Variants in GPC5 observed in about 807,000 individuals in gnomAD.
GPC5 encodes glypican 5.
In GPC5, 47 loss-of-function variants were observed where a neutral mutation model predicts 53.9. The observed-to-expected ratio is 0.87, with a 90% confidence interval of 0.69 to 1.11. The LOEUF is 1.11. GPC5 is among the 50% of genes most tolerant of loss of function. The probability of loss-of-function intolerance (pLI) is 0.00; values close to 1 mark genes in which losing one functional copy is unlikely to be tolerated. For synonymous variants in GPC5, 286 were observed against 263.3 expected (o/e 1.09, Z -0.84); for missense variants, 748 against 713.1 (o/e 1.05, Z -0.56).
intron 7 of GPC5, among the ~76,000 whole-genome samples, chr13:92,840,078 CATATAT>C (rs4001881): frequency 0.046 from 4,529 of 97,936 alleles, 115 homozygotes; most frequent in Middle Eastern, 0.1. Context: ...TATATACATA[CATATAT>C]ATATATATAT....
intron 2 of GPC5, among the ~76,000 whole-genome samples, chr13:91,517,292 G>T (rs980353442): frequency 1.3e-5 from 2 of 152,150 alleles, no homozygotes; most frequent in Admixed American, 1.3e-4. Flanking sequence ...CACATCTTCA[G>T]TGCTTTGCTG....
At chr13:91,616,183 C>T (rs2033690651) in intron 2 of GPC5, among the ~76,000 whole-genome samples, 1 of 152,024 alleles carries the variant, frequency 6.6e-6, no homozygotes, top group Admixed American at 6.6e-5. Flanking sequence ...CTATTTATGT[C>T]TGTTAATTGT....
At chr13:92,119,542 A>G (rs1594770714) in intron 6 of GPC5, among the ~76,000 whole-genome samples, 1 of 145,510 alleles carries the variant, frequency 6.9e-6, no homozygotes, top group African/African-American at 2.5e-5. Context: ...TGGGACTACA[A>G]GGCGCCCGCC....
intron 7 of GPC5, among the ~76,000 whole-genome samples, chr13:92,536,137 G>T (rs1295131794): frequency 1.3e-5 from 2 of 151,976 alleles, no homozygotes; most frequent in African/African-American, 4.8e-5. Flanking sequence ...AATGTGCATC[G>T]TCTCTAAGCC....
chr13:92,169,416 A>T (rs1193196723), intron 7 of GPC5, among the ~76,000 whole-genome samples: 3 of 152,236 alleles, frequency 2.0e-5, no homozygotes, highest in Non-Finnish European at 4.4e-5. Flanking sequence ...CCATGATACA[A>T]AAATGCATCA....
intron 5 of GPC5, among the ~76,000 whole-genome samples, chr13:91,880,472 G>C (rs1336690985): frequency 6.6e-6 from 1 of 151,776 alleles, no homozygotes; most frequent in Non-Finnish European, 1.5e-5. Context: ...AATTTTGCTT[G>C]TATGTTTTGC....
intron 7 of GPC5, among the ~76,000 whole-genome samples, chr13:92,278,657 C>T (rs931319773): frequency 2.6e-5 from 4 of 151,902 alleles, no homozygotes; most frequent in Admixed American, 6.6e-5. Flanking sequence ...TAGTTTTATA[C>T]TTTTAGACCT....
chr13:91,666,904 T>TA (rs1418754659), intron 2 of GPC5, among the ~76,000 whole-genome samples: 4 of 152,158 alleles, frequency 2.6e-5, no homozygotes, highest in Non-Finnish European at 4.4e-5. Context: ...ATTAAAATAT[T>TA]ATTTCTTTTT....
chr13:91,521,474 C>T (rs1036135084), intron 2 of GPC5, among the ~76,000 whole-genome samples: 12 of 152,140 alleles, frequency 7.9e-5, no homozygotes, highest in African/African-American at 2.4e-4. Flanking sequence ...AATACTGTTT[C>T]TTTCCTTCTT....
intron 7 of GPC5, among the ~76,000 whole-genome samples, chr13:92,196,279 G>A (rs777257354): frequency 3.9e-5 from 6 of 152,004 alleles, no homozygotes; most frequent in Non-Finnish European, 7.4e-5. Context: ...GATAGCACCT[G>A]ATATTTTATA....
chr13:92,242,226 C>T (rs955161539), intron 7 of GPC5, among the ~76,000 whole-genome samples: 1 of 138,266 alleles, frequency 7.2e-6, no homozygotes, highest in African/African-American at 2.9e-5. Flanking sequence ...GAGCAAGACT[C>T]TGTCTCAAAA....
At chr13:91,759,909 A>G (rs2037373813) in intron 5 of GPC5, among the ~76,000 whole-genome samples, 1 of 152,178 alleles carries the variant, frequency 6.6e-6, no homozygotes. Flanking sequence ...TCAAAAAAAT[A>G]AAATAGATAT....
intron 5 of GPC5, among the ~76,000 whole-genome samples, chr13:91,888,347 A>G (rs2039348525): frequency 6.6e-6 from 1 of 152,166 alleles, no homozygotes; most frequent in Non-Finnish European, 1.5e-5. Flanking sequence ...ACAATTCAAG[A>G]CGAAATTTGG....
intron 4 of GPC5, among the ~76,000 whole-genome samples, chr13:91,741,845 C>T (rs1230515443): frequency 2.0e-5 from 3 of 151,982 alleles, no homozygotes; most frequent in Non-Finnish European, 2.9e-5. Flanking sequence ...AAAAAATAGT[C>T]GATTCTTTCA....
chr13:92,332,817 T>C (rs2043297438), intron 7 of GPC5, among the ~76,000 whole-genome samples: 1 of 152,162 alleles, frequency 6.6e-6, no homozygotes, highest in Admixed American at 6.6e-5. Flanking sequence ...GACAAGAAAG[T>C]AGATACTTTC....
At chr13:91,897,884 G>A (rs1377141574) in intron 5 of GPC5, among the ~76,000 whole-genome samples, 1 of 151,988 alleles carries the variant, frequency 6.6e-6, no homozygotes, top group East Asian at 1.9e-4. Flanking sequence ...CACAACCTCT[G>A]CTTTGTGATT....
chr13:91,917,641 C>A (rs972315523), intron 6 of GPC5, among the ~76,000 whole-genome samples: 2 of 152,210 alleles, frequency 1.3e-5, no homozygotes, highest in African/African-American at 4.8e-5. Context: ...CTGCCCAATA[C>A]CCTAAATCAT....
intron 7 of GPC5, among the ~76,000 whole-genome samples, chr13:92,232,768 TC>T (rs1323979768): frequency 1.3e-5 from 2 of 148,404 alleles, no homozygotes; most frequent in African/African-American, 2.6e-5. Context: ...ATCTAAGCTT[TC>T]CCCCTATTAA....
intron 1 of GPC5, among the ~76,000 whole-genome samples, chr13:91,433,198 C>A (rs1879632114): frequency 6.6e-6 from 1 of 150,450 alleles, no homozygotes; most frequent in South Asian, 2.1e-4. Flanking sequence ...TCTTCCCAGG[C>A]TCTTTTTTTT....
Sources: gnomAD v4.1 joint callset for allele counts (sites outside exome capture counted in the v4.1 genomes callset) on GRCh38, gnomAD v4.1.1 for gene constraint, MANE v1.5 for transcripts, NCBI Gene and HGNC (gene_info 2026-07-23, HGNC 2026-07-21) for gene names.